SPAG16: variants seen among roughly 807,000 people sequenced by gnomAD.
The protein encoded by SPAG16 is sperm-associated antigen 16 protein.
In SPAG16, 86 loss-of-function variants were observed where a neutral mutation model predicts 80.4. The ratio of observed to expected loss-of-function variants is 1.07; its 90% CI spans 0.90 to 1.28. SPAG16 has a LOEUF of 1.28. Ranked by LOEUF, SPAG16 falls within the 50% of genes most tolerant of loss-of-function variation. SPAG16 has a pLI of 0.00. For synonymous variants in SPAG16, 294 were observed against 265.9 expected (o/e 1.11, Z -1.03); for missense variants, 870 against 765.3 (o/e 1.14, Z -1.61).
At chr2:214,255,940 C>T (rs1349147560) in intron 15 of SPAG16, among the ~76,000 whole-genome samples, 1 of 151,908 alleles carries the variant, frequency 6.6e-6, no homozygotes, top group African/African-American at 2.4e-5. Context: ...TACATAGTCT[C>T]TCATGAAAGT....
intron 3 of SPAG16, among the ~76,000 whole-genome samples, chr2:213,302,941 T>A (rs1386372547): frequency 4.6e-5 from 7 of 152,122 alleles, no homozygotes; most frequent in Non-Finnish European, 1.0e-4. Flanking sequence ...TACACCCTCC[T>A]GCTGTCTGTC....
At chr2:213,353,878 C>A (rs887362754) in intron 7 of SPAG16, among the ~76,000 whole-genome samples, 2 of 152,088 alleles carry the variant, frequency 1.3e-5, no homozygotes, top group African/African-American at 4.8e-5. Context: ...TTTAGAAAAT[C>A]TTTATTAATG....
At chr2:214,299,422 G>T (rs1158945801) in intron 15 of SPAG16, among the ~76,000 whole-genome samples, 2 of 151,486 alleles carry the variant, frequency 1.3e-5, no homozygotes, top group African/African-American at 4.9e-5. Flanking sequence ...GATAATTTTT[G>T]TATTTTTAGT....
intron 9 of SPAG16, among the ~76,000 whole-genome samples, chr2:213,469,570 GTTTTTTTTT>G (rs34005287): frequency 2.0e-4 from 16 of 79,294 alleles, no homozygotes; most frequent in Non-Finnish European, 3.4e-4. Flanking sequence ...ACCTCAGCAG[GTTTTTTTTT>G]TTTTTTTTTT....
chr2:214,241,122 G>A (rs1689439321), intron 15 of SPAG16: 1 of 152,130 alleles, frequency 6.6e-6, no homozygotes, highest in African/African-American at 2.4e-5. Context: ...GGAGGCCGAG[G>A]TGGGTGGATT....
intron 7 of SPAG16, among the ~76,000 whole-genome samples, chr2:213,357,715 G>A (rs1021888363): frequency 6.6e-5 from 10 of 152,088 alleles, no homozygotes; most frequent in Non-Finnish European, 1.5e-5. Flanking sequence ...AATCCAGTTT[G>A]CCAGTCTGTG....
intron 10 of SPAG16, among the ~76,000 whole-genome samples, chr2:213,589,743 G>A (rs1050319151): frequency 2.6e-5 from 4 of 152,026 alleles, no homozygotes; most frequent in Non-Finnish European, 4.4e-5. Context: ...ACAACATGGT[G>A]AAATCCCGTC....
At chr2:214,380,240 G>A (rs1393484534) in intron 15 of SPAG16, among the ~76,000 whole-genome samples, 1 of 152,122 alleles carries the variant, frequency 6.6e-6, no homozygotes, top group Non-Finnish European at 1.5e-5. Flanking sequence ...TTGTTCACGG[G>A]GTAGAAACTA....
chr2:214,208,371 C>A (rs904144138), intron 15 of SPAG16, among the ~76,000 whole-genome samples: 1 of 152,084 alleles, frequency 6.6e-6, no homozygotes, highest in Non-Finnish European at 1.5e-5. Flanking sequence ...TCTGTTTAAA[C>A]TGATTAGACG....
intron 6 of SPAG16, among the ~76,000 whole-genome samples, chr2:213,346,088 G>A (rs1423442780): frequency 6.6e-6 from 1 of 152,050 alleles, no homozygotes; most frequent in Non-Finnish European, 1.5e-5. Flanking sequence ...CCTTGAAGAG[G>A]TCCTTCACAT....
chr2:213,966,438 A>G (rs552370135), intron 12 of SPAG16, among the ~76,000 whole-genome samples: 1 of 152,294 alleles, frequency 6.6e-6, no homozygotes, highest in African/African-American at 2.4e-5. Context: ...AAATGCTTCT[A>G]ATATTAGATG....
At chr2:213,359,471 C>A (rs1338505829) in intron 7 of SPAG16, among the ~76,000 whole-genome samples, 1 of 152,152 alleles carries the variant, frequency 6.6e-6, no homozygotes, top group Non-Finnish European at 1.5e-5. Context: ...CTACTGAAGC[C>A]TCAGCAATGG....
chr2:213,681,891 T>C (rs1248245030), intron 10 of SPAG16, among the ~76,000 whole-genome samples: 1 of 152,194 alleles, frequency 6.6e-6, no homozygotes, highest in East Asian at 1.9e-4. Context: ...AAACTAAAGA[T>C]GTGAAGTTTT....
chr2:213,750,313 C>A (rs1049872556), intron 10 of SPAG16, among the ~76,000 whole-genome samples: 30 of 152,028 alleles, frequency 2.0e-4, no homozygotes, highest in African/African-American at 7.2e-4. Context: ...TTAATATTAC[C>A]TGAAACAGTG....
At chr2:213,582,444 C>T (rs926857733) in intron 10 of SPAG16, among the ~76,000 whole-genome samples, 1 of 152,106 alleles carries the variant, frequency 6.6e-6, no homozygotes, top group African/African-American at 2.4e-5. Context: ...AGCCATGAAA[C>T]ATGAGGCCTT....
At chr2:213,853,290 C>G (rs2074998637) in intron 10 of SPAG16, among the ~76,000 whole-genome samples, 2 of 152,114 alleles carry the variant, frequency 1.3e-5, no homozygotes, top group South Asian at 4.1e-4. Context: ...GTCACTGACT[C>G]TACTGATAAT....
At chr2:213,658,270 G>A (rs2063294185) in intron 10 of SPAG16, among the ~76,000 whole-genome samples, 1 of 151,908 alleles carries the variant, frequency 6.6e-6, no homozygotes, top group Non-Finnish European at 1.5e-5. Context: ...CGTACCCTGT[G>A]CCCAGAATAC....
chr2:213,429,959 C>T (rs1034132979), intron 9 of SPAG16, among the ~76,000 whole-genome samples: 2 of 152,096 alleles, frequency 1.3e-5, no homozygotes, highest in African/African-American at 4.8e-5. Context: ...CATAAAGAAA[C>T]ACAGTAATTC....
intron 10 of SPAG16, among the ~76,000 whole-genome samples, chr2:213,632,880 T>C (rs1161417215): frequency 1.3e-5 from 2 of 152,194 alleles, no homozygotes; most frequent in African/African-American, 4.8e-5. Flanking sequence ...GCTATTACTT[T>C]GTTCAGGCTG....
Sources: gnomAD v4.1 joint callset for allele counts (sites outside exome capture counted in the v4.1 genomes callset) on GRCh38, gnomAD v4.1.1 for gene constraint, MANE v1.5 for transcripts, NCBI Gene and HGNC (gene_info 2026-07-23, HGNC 2026-07-21) for gene names.